Variants in ALDH1L1 observed in about 807,000 individuals in gnomAD.
ALDH1L1 encodes the protein aldehyde dehydrogenase 1 family member L1.
Under a neutral mutation model 101.1 loss-of-function variants are expected in ALDH1L1, and 68 were observed. The observed-to-expected ratio is 0.67, with a 90% CI of 0.55 to 0.82. The LOEUF is 0.82. Among genes scored for constraint, ALDH1L1 ranks in the 40% least tolerant of loss-of-function variants. The pLI is 0.00. For missense variants in ALDH1L1, 1,087 were observed against 1,172.7 expected (o/e 0.93, Z 1.07); for synonymous variants, 486 against 470.8 (o/e 1.03, Z -0.42).
rs146891411 is a variant in ALDH1L1 at position 126,136,851 on chromosome 3, G to A, written c.1257C>T (p.Arg419=). 4 of 1,612,658 alleles carry A rather than the reference G, an allele frequency of 2.5e-6. No individual in the cohort carries two copies. The African/African-American group carries it at 4.0e-5, about 16-fold the overall frequency. Residue 419 remains arginine, a synonymous_variant, in exon 11 of 23, where the codon CGC becomes CGT. Transcript: ENST00000393434. ...CCCCAATGAAGAGCTGGTGGGGCAT[G>A]CGGACAGTGCGCTTGTTCACTGCCA... is the stretch of plus-strand genomic sequence containing the variant. ...VEMAVNKRTV[R]MPHQLFIGGE... is the part of the protein sequence containing the mutation.
In ALDH1L1 at chr3:126,105,784, CTTG is replaced by C. The variant is rs754045034; in HGVS notation, c.2592_2594del (p.Asn864del). 6.2e-6 allele frequency: 10 copies of C among 1,614,104 alleles called. No individual in the cohort carries two copies. The East Asian group carries it at 2.0e-4, about 32-fold the overall frequency. On this transcript the variant is annotated inframe_deletion, in exon 22 of 23. Transcript: ENST00000393434. ...CTCCGAAGGGAGCGGCCACGTCGGT[CTTG>C]TTGTACGTGTTGACAAACACAGTGC...
intron 13 of ALDH1L1, among the ~76,000 whole-genome samples, chr3:126,131,033 G>GGGACCTGCAGCCAGGAA (rs1553756219): frequency 1.3e-5 from 2 of 152,234 alleles, no homozygotes; most frequent in South Asian, 2.1e-4. Context: ...GCCCTGAGCA[G>GGGACCTGCAGCCAGGAA]GGACCTGCAG....
intron 9 of ALDH1L1, among the ~76,000 whole-genome samples, chr3:126,143,113 A>G (rs986968034): frequency 6.6e-6 from 1 of 152,198 alleles, no homozygotes; most frequent in Non-Finnish European, 1.5e-5. Flanking sequence ...ATTTTATACT[A>G]AAGTTTTGAG....
chr3:126,150,551 T>C lies in ALDH1L1; in HGVS notation c.859-20A>G, dbSNP rs528184974. The C allele has an allele frequency of 1.8e-5, 27 of 1,498,932 alleles. No homozygotes were observed. The highest frequency in any genetic ancestry group is 2.4e-5 in the Non-Finnish European group (27 of 1,126,116). 92.9% of individuals were successfully genotyped at this position (1,498,932 alleles called of 1,614,324 possible). On this transcript the variant is annotated intron_variant, in intron 7 of 22. Coordinates refer to ENST00000393434, the MANE Select transcript of ALDH1L1 (RefSeq NM_012190.4). ...CAGCAGCTGCAAAAGGAAGGATTTCTTTTCTTTTCTTTTCTTTTTTTGAGA... is the reference window on the plus strand; with the variant it reads ...CAGCAGCTGCAAAAGGAAGGATTTCCTTTCTTTTCTTTTCTTTTTTTGAGA...
chr3:126,150,547 T>C lies in ALDH1L1; in HGVS notation c.859-16A>G. 1 of 1,497,404 alleles carries C rather than the reference T, an allele frequency of 6.7e-7. No homozygotes were observed. The highest frequency in any genetic ancestry group is 2.0e-5 in the Admixed American group (1 of 49,170). The allele number at this position is 1,497,404 out of a possible 1,614,324, so 92.8% of individuals were successfully genotyped here. The stretch of plus-strand genomic sequence containing the variant: ...TCACCAGCAGCTGCAAAAGGAAGGA[T>C]TTCTTTTCTTTTCTTTTCTTTTTTT... On this transcript the variant is annotated splice_polypyrimidine_tract_variant and intron_variant, in intron 7 of 22. Coordinates refer to ENST00000393434, the MANE Select transcript of ALDH1L1 (RefSeq NM_012190.4).
At position 126,189,787 on chromosome 3, in the gene ALDH1L1, C is replaced by T. The variant is rs114670792; in HGVS notation, c.-24+7948G>A. On this transcript the variant is annotated intron_variant, in intron 1 of 2. Transcript: ENST00000509952. ...TGAGTTCTATTTTTAAGGGCACAGG[C>T]CTCCAATAACTACTACATAAAGGTT... Among the ~76,000 whole-genome samples the T allele has an allele frequency of 1.2e-3, 177 of 152,256 alleles. 1 individual carries two copies. The highest frequency in any genetic ancestry group is 4.1e-3 in the African/African-American group (170 of 41,540).
intron 21 of ALDH1L1, 33 bp downstream of exon 21, chr3:126,107,108 C>T: frequency 6.3e-7 from 1 of 1,585,484 alleles, no homozygotes; most frequent in Non-Finnish European, 8.7e-7. Context: ...GGGAGAGAGT[C>T]AGGGCCCTTG....
At chr3:126,131,591 C>T (rs2305227) in intron 12 of ALDH1L1, 57 bp from the exon 13 acceptor site, 715,899 of 1,550,788 alleles carry the variant, frequency 0.46, 168,065 homozygotes, top group Middle Eastern at 0.51. Context: ...GCCTCATCTG[C>T]CCTCACAAGG....
intron 12 of ALDH1L1, among the ~76,000 whole-genome samples, 168 bp from the exon 13 acceptor site, chr3:126,131,702 T>C (rs1377954793): frequency 6.6e-6 from 1 of 152,264 alleles, no homozygotes; most frequent in Non-Finnish European, 1.5e-5. Context: ...CAGCACCGTT[T>C]ACTCCACCGG....
At position 126,135,542 on chromosome 3, in the gene ALDH1L1, T is replaced by A; in HGVS notation, c.1465A>T (p.Met489Leu). ...TACATGTTGGGCTCCCACCTGTACA[T>A]CAGCCGGCCCCGGTCCCGCGCACTG... is the stretch of plus-strand genomic sequence containing the variant. ...KISARDRGRL[M>L]YRLADLMEQH... Residue 489 changes from methionine to leucine, a missense_variant, in exon 12 of 23, where the codon ATG becomes TTG. Met to Leu is a conservative substitution (Grantham distance 15). Coordinates refer to ENST00000393434, the MANE Select transcript of ALDH1L1 (RefSeq NM_012190.4). The A allele has an allele frequency of 2.5e-6, 4 of 1,607,632 alleles. No homozygotes were observed. The highest frequency in any genetic ancestry group is 3.4e-6 in the Non-Finnish European group (4 of 1,178,084).
intron 10 of ALDH1L1, 135 bp from the exon 11 acceptor site, chr3:126,137,018 A>G (rs761737313): frequency 1.8e-4 from 234 of 1,295,052 alleles, no homozygotes; most frequent in Non-Finnish European, 2.3e-4. Context: ...GCAACAGCTG[A>G]GCAGGGGAGA....
intron 19 of ALDH1L1, among the ~76,000 whole-genome samples, chr3:126,111,568 C>T (rs753475348): frequency 2.0e-5 from 3 of 152,210 alleles, no homozygotes; most frequent in East Asian, 1.9e-4. Context: ...TGTTGAGGGT[C>T]GTTATATGGC....
intron 14 of ALDH1L1, among the ~76,000 whole-genome samples, chr3:126,128,140 A>G (rs903948422): frequency 5.9e-5 from 9 of 152,106 alleles, no homozygotes; most frequent in South Asian, 2.1e-4. Flanking sequence ...GTTTGATTCC[A>G]TGTCAAGGGC....
At chr3:126,131,670 G>T in intron 12 of ALDH1L1, 136 bp from the exon 13 acceptor site, 1 of 969,130 alleles carries the variant, frequency 1.0e-6, no homozygotes, top group Non-Finnish European at 1.5e-6. Flanking sequence ...GCGGACCTCC[G>T]TTTCTGATCC....
At chr3:126,124,498 A>G in intron 15 of ALDH1L1, 47 bp from the exon 16 acceptor site, 1 of 1,511,322 alleles carries the variant, frequency 6.6e-7, no homozygotes, top group Non-Finnish European at 9.1e-7. Flanking sequence ...GGTTTTTGAA[A>G]GTGGGGCTCT....
intron 16 of ALDH1L1, among the ~76,000 whole-genome samples, chr3:126,120,337 C>T (rs1446317538): frequency 7.0e-6 from 1 of 142,110 alleles, no homozygotes; most frequent in African/African-American, 2.6e-5. Flanking sequence ...CATGGAAGAA[C>T]CTCAAATACA....
chr3:126,146,054 C>G (rs2080670315), intron 9 of ALDH1L1, among the ~76,000 whole-genome samples: 1 of 152,096 alleles, frequency 6.6e-6, no homozygotes, highest in African/African-American at 2.4e-5. Context: ...TCCACAGTGC[C>G]AAGCACATAG....
intron 1 of ALDH1L1, among the ~76,000 whole-genome samples, chr3:126,176,265 T>C (rs1376219383): frequency 1.3e-5 from 2 of 152,192 alleles, no homozygotes; most frequent in African/African-American, 4.8e-5. Context: ...TTTCCGACTT[T>C]ATCTATAGAT....
At chr3:126,180,759 AG>A (rs2081462387), upstream of ALDH1L1, 1 of 1,437,018 alleles carries the variant, frequency 7.0e-7, no homozygotes, top group Non-Finnish European at 9.1e-7. Flanking sequence ...CCAACCCCGC[AG>A]GGGCCTGCGC....
Sources: gnomAD v4.1 joint callset for allele counts (sites outside exome capture counted in the v4.1 genomes callset) on GRCh38, gnomAD v4.1.1 for gene constraint, MANE v1.5 for transcripts, NCBI Gene and HGNC (gene_info 2026-07-23, HGNC 2026-07-21) for gene names.